The following CSNK1G1 variants were observed in gnomAD, a reference collection of about 807,000 sequenced individuals.
The protein encoded by CSNK1G1 is casein kinase 1 gamma 1.
In CSNK1G1, 22 loss-of-function variants were observed where a neutral mutation model predicts 59.6. The ratio of observed to expected loss-of-function variants is 0.37; its 90% confidence interval spans 0.26 to 0.53. The LOEUF (loss-of-function observed/expected upper bound fraction) is 0.53, where lower values mean the gene tolerates loss of function less well. Among genes scored for constraint, CSNK1G1 ranks in the 20% least tolerant of loss-of-function variants. CSNK1G1 has a pLI of 0.89. For synonymous variants in CSNK1G1, 179 were observed against 177.1 expected, an observed-to-expected ratio of 1.01 and a Z score of -0.08; for missense variants, 384 against 519.5, an observed-to-expected ratio of 0.74 and a Z score of 2.54.
intron 1 of CSNK1G1, among the ~76,000 whole-genome samples, chr15:64,354,641 A>G (rs1397279404): frequency 6.6e-6 from 1 of 152,074 alleles, no homozygotes; most frequent in Non-Finnish European, 1.5e-5. Context: ...TTGCTTTCCT[A>G]TCTCAAACCT....
At chr15:64,197,291 C>T (rs1419205929) in intron 10 of CSNK1G1, among the ~76,000 whole-genome samples, 2 of 152,218 alleles carry the variant, frequency 1.3e-5, no homozygotes, top group Admixed American at 1.3e-4. Flanking sequence ...ACTCTTTAGG[C>T]ATTATCATCA....
intron 2 of CSNK1G1, among the ~76,000 whole-genome samples, chr15:64,259,743 T>C (rs922748095): frequency 2.0e-5 from 3 of 152,180 alleles, no homozygotes; most frequent in Admixed American, 6.5e-5. Context: ...TGCCCAAACC[T>C]ACTTTTGGAG....
intron 1 of CSNK1G1, among the ~76,000 whole-genome samples, chr15:64,318,898 A>C (rs998319370): frequency 2.0e-5 from 3 of 151,172 alleles, no homozygotes; most frequent in Non-Finnish European, 4.4e-5. Flanking sequence ...GGCATGAGCC[A>C]CCGTGCCTGG....
chr15:64,276,616 G>A (rs990940579), intron 2 of CSNK1G1, among the ~76,000 whole-genome samples: 1 of 151,756 alleles, frequency 6.6e-6, no homozygotes, highest in Non-Finnish European at 1.5e-5. Flanking sequence ...CAGCCACCCA[G>A]GTAGGAAAAA....
At chr15:64,228,080 T>C (rs2082486236) in intron 4 of CSNK1G1, among the ~76,000 whole-genome samples, 1 of 152,152 alleles carries the variant, frequency 6.6e-6, no homozygotes, top group African/African-American at 2.4e-5. Context: ...TGGCTTCCCT[T>C]ATTTTTAATT....
At chr15:64,336,761 G>C (rs1339761114) in intron 1 of CSNK1G1, among the ~76,000 whole-genome samples, 1 of 152,154 alleles carries the variant, frequency 6.6e-6, no homozygotes, top group Non-Finnish European at 1.5e-5. Context: ...CTCAGTTTTA[G>C]TCACGATTCT....
chr15:64,288,108 T>C (rs1281789827), intron 2 of CSNK1G1, among the ~76,000 whole-genome samples: 4 of 152,118 alleles, frequency 2.6e-5, no homozygotes, highest in Non-Finnish European at 5.9e-5. Flanking sequence ...AAAAAATTAA[T>C]GAAAGGTATA....
At chr15:64,320,835 T>C (rs1013755139) in intron 1 of CSNK1G1, among the ~76,000 whole-genome samples, 10 of 152,172 alleles carry the variant, frequency 6.6e-5, no homozygotes, top group African/African-American at 2.2e-4. Flanking sequence ...TTTTAAATAC[T>C]GTCCACACCA....
intron 4 of CSNK1G1, among the ~76,000 whole-genome samples, chr15:64,247,232 C>G (rs777939722): frequency 3.3e-5 from 5 of 152,026 alleles, no homozygotes; most frequent in Non-Finnish European, 5.9e-5. Context: ...ATACTGAAAC[C>G]TAAAATCATT....
intron 1 of CSNK1G1, among the ~76,000 whole-genome samples, chr15:64,303,915 C>G (rs1363955121): frequency 5.1e-5 from 1 of 19,480 alleles, no homozygotes; most frequent in African/African-American, 1.4e-4. Flanking sequence ...AAGGCCCTGT[C>G]CAAAAAAAAA....
intron 1 of CSNK1G1, among the ~76,000 whole-genome samples, chr15:64,310,071 C>A (rs11071791): frequency 0.8 from 122,228 of 151,864 alleles, 50,327 homozygotes; most frequent in East Asian, 0.95. Flanking sequence ...TGTGATCACA[C>A]CACTACCCTC....
intron 10 of CSNK1G1, chr15:64,194,036 ATT>A (rs2082007284): frequency 6.6e-6 from 1 of 152,398 alleles, no homozygotes. Flanking sequence ...TAAGGAATCT[ATT>A]TTCAGTTTTG....
At chr15:64,305,642 C>A (rs1895640367) in intron 1 of CSNK1G1, among the ~76,000 whole-genome samples, 1 of 150,464 alleles carries the variant, frequency 6.6e-6, no homozygotes, top group Non-Finnish European at 1.5e-5. Context: ...TTGTTTGAGC[C>A]CAGGAGTTCA....
intron 4 of CSNK1G1, among the ~76,000 whole-genome samples, chr15:64,224,108 A>G (rs1472796699): frequency 6.6e-6 from 1 of 152,194 alleles, no homozygotes; most frequent in Non-Finnish European, 1.5e-5. Flanking sequence ...TTAAAAACTA[A>G]ATTACCTAAC....
At chr15:64,178,245 A>G (rs1243891674) in intron 11 of CSNK1G1, among the ~76,000 whole-genome samples, 1 of 152,156 alleles carries the variant, frequency 6.6e-6, no homozygotes, top group Non-Finnish European at 1.5e-5. Flanking sequence ...AGTACCATTA[A>G]TATCTCCAAA....
At chr15:64,172,995 T>A (rs563696644) in intron 11 of CSNK1G1, among the ~76,000 whole-genome samples, 3 of 152,094 alleles carry the variant, frequency 2.0e-5, no homozygotes, top group Non-Finnish European at 2.9e-5. Context: ...GGAATGAGAA[T>A]GAAAGGGACA....
rs2081748808 is a variant in CSNK1G1, at chr15:64,176,994, C to CCG, written c.1214+3353_1214+3354insCG. ...CTGGATAACCAAAAATTCCTGTATT[C>CCG]TTACTGTAACAAAAATCAACCAAAA... On this transcript the variant is annotated intron_variant, in intron 11 of 11. Transcript: ENST00000303052. This position sits in a 1 kb window ranked among gnomAD's most constrained non-coding sequence, Gnocchi z 5.2. Among the ~76,000 whole-genome samples the CCG allele has an allele frequency of 6.6e-6, 1 of 152,138 alleles. No homozygotes were observed. The highest frequency in any genetic ancestry group is 1.5e-5 in the Non-Finnish European group (1 of 68,018).
At chr15:64,298,305 G>T (rs572300685) in intron 2 of CSNK1G1, among the ~76,000 whole-genome samples, 1 of 152,154 alleles carries the variant, frequency 6.6e-6, no homozygotes, top group African/African-American at 2.4e-5. Context: ...AGAATTCAAA[G>T]ATTTAGATGC....
At chr15:64,319,677 T>C (rs1262400465) in intron 1 of CSNK1G1, among the ~76,000 whole-genome samples, 1 of 152,150 alleles carries the variant, frequency 6.6e-6, no homozygotes, top group African/African-American at 2.4e-5. Flanking sequence ...CCTGAGTAGT[T>C]GGGATTACAG....
Sources: allele counts gnomAD v4.1 joint callset (sites outside exome capture counted in the v4.1 genomes callset), GRCh38; gene constraint gnomAD v4.1.1; non-coding constraint Gnocchi (gnomAD v3.1); transcripts MANE v1.5; gene names NCBI Gene and HGNC (gene_info 2026-07-23, HGNC 2026-07-21).